PPP2R2D: variants seen among roughly 807,000 people sequenced by gnomAD.
PPP2R2D encodes the protein protein phosphatase 2 regulatory subunit Bdelta, also known as serine/threonine-protein phosphatase 2A 55 kDa regulatory subunit B delta isoform.
A neutral mutation model predicts 31.1 loss-of-function variants in PPP2R2D; 9 were observed. The ratio of observed to expected loss-of-function variants is 0.29; its 90% CI spans 0.17 to 0.51. The LOEUF is 0.51. Ranked by LOEUF, PPP2R2D falls within the 20% of genes least tolerant of loss-of-function variation. The probability of loss-of-function intolerance (pLI) is 0.98; values close to 1 mark genes in which losing one functional copy is unlikely to be tolerated. For synonymous variants in PPP2R2D, 179 were observed against 172.6 expected (o/e 1.04, Z -0.29); for missense variants, 391 against 465.6 (o/e 0.84, Z 1.48).
chr10:131,960,125 TTC>T (rs1348275615), downstream of PPP2R2D, among the ~76,000 whole-genome samples: 1 of 152,252 alleles, frequency 6.6e-6, no homozygotes, highest in Admixed American at 6.5e-5. Context: ...AGTCTTGATG[TTC>T]TGAGAGGCGC....
At chr10:131,911,529 T>C (rs1031977200) in intron 2 of PPP2R2D, 2 of 152,270 alleles carry the variant, frequency 1.3e-5, no homozygotes, top group African/African-American at 2.4e-5. Flanking sequence ...CTGGCCTTTT[T>C]CCTTTTTCTT....
At chr10:131,920,141 T>TTTG (rs1554894025) in intron 2 of PPP2R2D, among the ~76,000 whole-genome samples, 2 of 142,712 alleles carry the variant, frequency 1.4e-5, no homozygotes, top group Admixed American at 7.0e-5. Context: ...TTACACAGTG[T>TTTG]AGGGACCTCA....
chr10:131,922,962 C>T (rs1345617660), intron 2 of PPP2R2D, among the ~76,000 whole-genome samples: 2 of 152,128 alleles, frequency 1.3e-5, no homozygotes, highest in Non-Finnish European at 2.9e-5. Context: ...CTTTTAGTGA[C>T]TTGATCCATT....
chr10:131,948,343 GTTTT>G, intron 8 of PPP2R2D, among the ~76,000 whole-genome samples: 1 of 152,054 alleles, frequency 6.6e-6, no homozygotes, highest in South Asian at 2.1e-4. Context: ...TGAGAGTTAC[GTTTT>G]TTTTATTATG....
At chr10:131,940,380 C>G (rs2036420936) in intron 4 of PPP2R2D, among the ~76,000 whole-genome samples, 184 bp downstream of exon 4, 7 of 152,026 alleles carry the variant, frequency 4.6e-5, no homozygotes, top group Non-Finnish European at 2.9e-5. Context: ...CACACGTGCA[C>G]TTTATTATGC....
At chr10:131,920,589 G>T (rs1554894089) in intron 2 of PPP2R2D, among the ~76,000 whole-genome samples, 4 of 152,196 alleles carry the variant, frequency 2.6e-5, no homozygotes, top group African/African-American at 9.7e-5. Context: ...AATTAGATGT[G>T]GATTTTTGAT....
downstream of PPP2R2D, among the ~76,000 whole-genome samples, chr10:131,963,606 T>C (rs2036947843): frequency 6.6e-6 from 1 of 152,236 alleles, no homozygotes; most frequent in Admixed American, 6.5e-5. Context: ...CACGGTGGCA[T>C]TGCCACACGT....
intron 5 of PPP2R2D, 30 bp downstream of exon 5, chr10:131,940,724 T>C (rs782357702): frequency 1.3e-6 from 1 of 750,436 alleles, no homozygotes; most frequent in East Asian, 2.5e-5. Context: ...TATCCAATGC[T>C]GTTGAGAAGT....
intron 3 of PPP2R2D, chr10:131,935,139 C>G: frequency 2.8e-6 from 1 of 351,488 alleles, no homozygotes; most frequent in Admixed American, 3.7e-5. Context: ...ACGGCACTGC[C>G]TTTTCACTGA....
At chr10:131,908,668 C>T (rs1220921149) in intron 2 of PPP2R2D, among the ~76,000 whole-genome samples, 1 of 152,170 alleles carries the variant, frequency 6.6e-6, no homozygotes, top group Non-Finnish European at 1.5e-5. Context: ...ATCTGTTAAA[C>T]GGGTACTATT....
At chr10:131,933,309 C>T (rs1554895972) in intron 2 of PPP2R2D, among the ~76,000 whole-genome samples, 1 of 152,156 alleles carries the variant, frequency 6.6e-6, no homozygotes, top group African/African-American at 2.4e-5. Context: ...TTGGAGGGAG[C>T]TGTTTGAGTC....
At chr10:131,934,877 T>A (rs1478302853) in intron 3 of PPP2R2D, 1 of 467,220 alleles carries the variant, frequency 2.1e-6, no homozygotes, top group Non-Finnish European at 4.3e-6. Flanking sequence ...TGAAAATCCC[T>A]TTATACGCCT....
At chr10:131,936,490 A>G (rs2119820215) in intron 3 of PPP2R2D, among the ~76,000 whole-genome samples, 1 of 152,338 alleles carries the variant, frequency 6.6e-6, no homozygotes, top group Non-Finnish European at 1.5e-5. Flanking sequence ...GGCTATCTTA[A>G]TGCAAGACTT....
intron 2 of PPP2R2D, among the ~76,000 whole-genome samples, chr10:131,931,131 C>T (rs1047417814): frequency 6.6e-6 from 1 of 152,198 alleles, no homozygotes; most frequent in Non-Finnish European, 1.5e-5. Flanking sequence ...CCTCTCCCCT[C>T]CATCAGGCGG....
intron 2 of PPP2R2D, among the ~76,000 whole-genome samples, chr10:131,920,258 T>A (rs2035952781): frequency 6.7e-6 from 1 of 148,606 alleles, no homozygotes; most frequent in African/African-American, 2.5e-5. Flanking sequence ...GGACCTGACG[T>A]GGGTGGAATG....
chr10:131,924,624 T>TA (rs2036064725), intron 2 of PPP2R2D, among the ~76,000 whole-genome samples: 1 of 151,966 alleles, frequency 6.6e-6, no homozygotes, highest in Non-Finnish European at 1.5e-5. Flanking sequence ...CTGCTCTTTT[T>TA]AAAGATCATT....
At chr10:131,964,215 G>A (rs185636425), downstream of PPP2R2D, among the ~76,000 whole-genome samples, 4 of 152,270 alleles carry the variant, frequency 2.6e-5, no homozygotes, top group Admixed American at 1.3e-4. Context: ...GTTTTCTTTG[G>A]TGTAATGAGT....
At chr10:131,968,665 T>C in the PPP2R2D span, 31 of 1,082,184 alleles carry the variant, frequency 2.9e-5, no homozygotes, top group East Asian at 7.0e-4. Context: ...TTAGAGCTTA[T>C]GCAAGGGGAC....
In PPP2R2D at chr10:131,957,547, GC is replaced by G. The variant is rs2120067813; in HGVS notation, c.*1588del. 3 of 117,952 alleles carry G rather than the reference GC, an allele frequency of 2.5e-5. No homozygotes were observed. The highest frequency in any genetic ancestry group is 1.6e-4 in the South Asian group (1 of 6,326). 7.3% of individuals were successfully genotyped at this position (117,952 alleles called of 1,614,324 possible). A position where few individuals can be genotyped will look rare whatever the true frequency, so the allele number is the denominator to read the frequency against. Reference sequence around the variant, plus strand: ...ATGAAGGTGTGTGCTGATCCCCCGTGCCCCTGTGGAGATGAAGGTGCGTGCT... The same window carrying G: ...ATGAAGGTGTGTGCTGATCCCCCGTGCCCTGTGGAGATGAAGGTGCGTGCT... On this transcript the variant is annotated 3_prime_UTR_variant, in exon 9 of 9. Coordinates refer to ENST00000455566, the MANE Select transcript of PPP2R2D (RefSeq NM_018461.5).
Sources: gnomAD v4.1 joint callset for allele counts (sites outside exome capture counted in the v4.1 genomes callset) on GRCh38, gnomAD v4.1.1 for gene constraint, MANE v1.5 for transcripts, NCBI Gene and HGNC (gene_info 2026-07-23, HGNC 2026-07-21) for gene names.